IL16: variants seen among roughly 807,000 people sequenced by gnomAD.
IL16 encodes pro-interleukin-16.
Under a neutral mutation model 110.1 loss-of-function variants are expected in IL16, and 67 were observed. The ratio of observed to expected loss-of-function variants is 0.61; its 90% CI spans 0.50 to 0.75. The LOEUF (loss-of-function observed/expected upper bound fraction) is 0.75. Ranked by LOEUF, IL16 falls within the 30% of genes least tolerant of loss-of-function variation. The pLI, the probability that IL16 is intolerant of heterozygous loss-of-function variation, is 0.00. For missense variants in IL16, 1,545 were observed against 1,655.0 expected (o/e 0.93, Z 1.15); for synonymous variants, 689 against 662.9 (o/e 1.04, Z -0.61).
chr15:81,263,097 T>G (rs1464271805), intron 3 of IL16, among the ~76,000 whole-genome samples: 1 of 140,178 alleles, frequency 7.1e-6, no homozygotes, highest in Non-Finnish European at 1.5e-5. Context: ...TGTCTCTACT[T>G]CTGATTTCCT....
chr15:81,308,451 A>C (rs1900683915), intron 18 of IL16, among the ~76,000 whole-genome samples, 154 bp from the exon 19 acceptor site: 1 of 152,144 alleles, frequency 6.6e-6, no homozygotes, highest in East Asian at 1.9e-4. Context: ...ATCTTAAGAG[A>C]TGCCTCATTT....
Position 81,303,185 on chromosome 15 carries a change from GTT to G in IL16, c.3319-353_3319-352del, listed in dbSNP as rs60981835. 0.12 allele frequency: 19,595 copies of G among 166,050 alleles called. 1,275 individuals are homozygous for G. Among genetic ancestry groups the G allele is most frequent in the Middle Eastern group, 0.18 (63 of 344 alleles). The allele number at this position is 166,050 out of a possible 1,614,324, so 10.3% of individuals were successfully genotyped here. A position where few individuals can be genotyped will look rare whatever the true frequency, so the allele number is the denominator to read the frequency against. ...ACTGACCCCTGTTTTGTTTTTTGTT[GTT>G]TTTTTTTTTTGTTTTGTTTTACCTG... is the stretch of plus-strand genomic sequence containing the variant. On this transcript the variant is annotated intron_variant, in intron 15 of 18. Transcript: ENST00000683961. The surrounding 1 kb of genome is among the most constrained non-coding windows in gnomAD (Gnocchi z 4.1).
chr15:81,293,050 G>A lies in IL16; in HGVS notation c.1902+13G>A, dbSNP rs1179619622. On this transcript the variant is annotated intron_variant, in intron 12 of 18. Transcript: ENST00000683961. ...CACCTGTGGCCAGGTAAGAGGATGG[G>A]TCCACAGGTTGAGTGTTTCCAGGAC... 1 of 1,590,458 alleles carries A rather than the reference G, an allele frequency of 6.3e-7. No individual in the cohort carries two copies. Among genetic ancestry groups the A allele is most frequent in the Admixed American group, 1.7e-5 (1 of 57,510 alleles).
At chr15:81,191,950 A>G (rs182222423), upstream of IL16, among the ~76,000 whole-genome samples, 1 of 152,288 alleles carries the variant, frequency 6.6e-6, no homozygotes, top group Admixed American at 6.5e-5. Flanking sequence ...TTTGGGTATT[A>G]TTTTGGAAAA....
At chr15:81,222,276 G>A (rs1264749282) in intron 1 of IL16, among the ~76,000 whole-genome samples, 1 of 151,872 alleles carries the variant, frequency 6.6e-6, no homozygotes, top group African/African-American at 2.4e-5. Flanking sequence ...CTTGGGGTGG[G>A]ATAAGAGAGT....
At chr15:81,211,624 G>A (rs1322622463) in intron 1 of IL16, among the ~76,000 whole-genome samples, 1 of 152,178 alleles carries the variant, frequency 6.6e-6, no homozygotes, top group Non-Finnish European at 1.5e-5. Flanking sequence ...CTGGGCTTAA[G>A]CAATCTGCCG....
chr15:81,289,941 T>C (rs1188945181), intron 10 of IL16: 2 of 454,214 alleles, frequency 4.4e-6, no homozygotes, highest in Non-Finnish European at 8.8e-6. Context: ...AAGTAACTTG[T>C]CTAGGTGTTC....
At chr15:81,275,353 G>A (rs1407967292) in intron 6 of IL16, among the ~76,000 whole-genome samples, 1 of 104,004 alleles carries the variant, frequency 9.6e-6, no homozygotes, top group African/African-American at 4.7e-5. Context: ...CAGTTGACGG[G>A]GGAGGAGGGG....
At position 81,196,966 on chromosome 15, in the gene IL16, C is replaced by T. The variant is rs775732245; in HGVS notation, c.-288C>T. The T allele has an allele frequency of 1.6e-6, 2 of 1,271,578 alleles. No individual in the cohort carries two copies. The highest frequency in any genetic ancestry group is 3.1e-5 in the African/African-American group (2 of 64,974). The allele number at this position is 1,271,578 out of a possible 1,614,324, so 78.8% of individuals were successfully genotyped here. Reference sequence around the variant, plus strand: ...TCAACTATCGGAGCCTGGGATCTGACTCAAAGGCCGGCCTCCGTCTGAGAA... The same window carrying T: ...TCAACTATCGGAGCCTGGGATCTGATTCAAAGGCCGGCCTCCGTCTGAGAA... On this transcript the variant is annotated 5_prime_UTR_variant, in exon 1 of 19. Coordinates refer to ENST00000683961, the MANE Select transcript of IL16 (RefSeq NM_172217.5).
chr15:81,299,596 C>A lies in IL16; in HGVS notation c.2270C>A (p.Thr757Asn), dbSNP rs775110920. The A allele has an allele frequency of 6.2e-7, 1 of 1,614,190 alleles. No individual in the cohort carries two copies. Among genetic ancestry groups the A allele is most frequent in the Non-Finnish European group, 8.5e-7 (1 of 1,180,024 alleles). ...EEGTQGHPDG[T>N]PPKLDTANGT... is the part of the protein sequence containing the mutation. ...GGGACACAGGGCCACCCAGATGGGA[C>A]CCCACCAAAGCTGGACACCGCCAAT... Residue 757 changes from threonine (T) to asparagine (N), a missense_variant, in exon 14 of 19, where the codon ACC (threonine) becomes AAC (asparagine). Physicochemically the swap from Thr to Asn is moderately conservative, Grantham distance 65. Coordinates refer to ENST00000683961, the MANE Select transcript of IL16 (RefSeq NM_172217.5).
At chr15:81,254,595 C>A (rs1897883434) in intron 2 of IL16, among the ~76,000 whole-genome samples, 1 of 152,146 alleles carries the variant, frequency 6.6e-6, no homozygotes, top group Non-Finnish European at 1.5e-5. Flanking sequence ...ACCCACAGAA[C>A]CTCTGCCCAG....
At chr15:81,232,557 C>T (rs577211164) in intron 2 of IL16, among the ~76,000 whole-genome samples, 4 of 152,252 alleles carry the variant, frequency 2.6e-5, no homozygotes, top group Admixed American at 6.5e-5. Flanking sequence ...CCACCCCCAC[C>T]GCCAACATAA....
At chr15:81,230,139 G>T (rs1284164783) in intron 2 of IL16, among the ~76,000 whole-genome samples, 1 of 152,162 alleles carries the variant, frequency 6.6e-6, no homozygotes, top group Non-Finnish European at 1.5e-5. Flanking sequence ...TGTTCTGGGG[G>T]AGCTTCTAGA....
At chr15:81,263,543 C>T (rs555505479) in intron 3 of IL16, among the ~76,000 whole-genome samples, 4 of 152,248 alleles carry the variant, frequency 2.6e-5, no homozygotes, top group Admixed American at 2.0e-4. Context: ...AAATCGACCC[C>T]AGACCAGGGA....
chr15:81,299,745 A>G lies in IL16; in HGVS notation c.2419A>G (p.Arg807Gly). 1.9e-6 allele frequency: 3 copies of G among 1,614,198 alleles called. No individual in the cohort carries two copies. The highest frequency in any genetic ancestry group is 3.3e-5 in the Admixed American group (2 of 60,032). ...TTTGAGGAATCGTGCTTCAGACCCA[A>G]GAGGGCTCCCTGATCCTGCCTTGTC... ...KGLRNRASDP[R>G]GLPDPALSTQ... is the part of the protein sequence containing the mutation. Residue 807 changes from arginine to glycine, a missense_variant, in exon 14 of 19, where the codon AGA becomes GGA. Coordinates refer to ENST00000683961, the MANE Select transcript of IL16 (RefSeq NM_172217.5).
rs759167337 is a variant in IL16 at position 81,306,692 on chromosome 15, A to G, written c.3805+147A>G. On this transcript the variant is annotated intron_variant, in intron 18 of 18. Coordinates refer to ENST00000683961, the MANE Select transcript of IL16 (RefSeq NM_172217.5). ...GGCATGCTGGTCCTTTTAGGGCTCA[A>G]TTCTGCTTTTTCTACTTTTTCTCCT... The G allele has an allele frequency of 5.0e-6, 5 of 993,514 alleles. No homozygotes were observed. The African/African-American group carries it at 6.4e-5, about 13-fold the overall frequency. The allele number at this position is 993,514 out of a possible 1,614,324, so 61.5% of individuals were successfully genotyped here. A position where few individuals can be genotyped will look rare whatever the true frequency, so the allele number is the denominator to read the frequency against.
chr15:81,188,371 C>T (rs539919104), intron 1 of IL16: 128 of 456,186 alleles, frequency 2.8e-4, no homozygotes, highest in Admixed American at 1.2e-3. Flanking sequence ...TGGAGCACTG[C>T]GGGCGAGATG....
At position 81,196,998 on chromosome 15, in the gene IL16, G is replaced by A. The variant is rs4346163; in HGVS notation, c.-256G>A. The stretch of plus-strand genomic sequence containing the variant: ...GCCGGCCTCCGTCTGAGAACTGAGC[G>A]TCCATTTCTCAATCCTTGCCGGCTC... On this transcript the variant is annotated 5_prime_UTR_variant, in exon 1 of 19. Transcript: ENST00000683961. 140,639 of 1,283,860 alleles carry A rather than the reference G, an allele frequency of 0.11. 10,802 individuals are homozygous for A. Among genetic ancestry groups the A allele is most frequent in the South Asian group, 0.29 (23,563 of 80,174 alleles). The allele number at this position is 1,283,860 out of a possible 1,614,324, so 79.5% of individuals were successfully genotyped here.
At chr15:81,195,143 T>C (rs973582130), upstream of IL16, among the ~76,000 whole-genome samples, 1 of 152,110 alleles carries the variant, frequency 6.6e-6, no homozygotes, top group Non-Finnish European at 1.5e-5. Flanking sequence ...AAATTTACCT[T>C]CTGAGAGTGA....
Sources: allele counts gnomAD v4.1 joint callset (sites outside exome capture counted in the v4.1 genomes callset), GRCh38; gene constraint gnomAD v4.1.1; non-coding constraint Gnocchi (gnomAD v3.1); transcripts MANE v1.5; gene names NCBI Gene and HGNC (gene_info 2026-07-23, HGNC 2026-07-21).